Variants in ELP4 observed in about 807,000 individuals in gnomAD.
ELP4 encodes the protein elongator complex protein 4.
Under a neutral mutation model 48.9 loss-of-function variants are expected in ELP4, and 51 were observed. That is an observed-to-expected ratio of 1.04 (90% confidence interval 0.83 to 1.32). The LOEUF (loss-of-function observed/expected upper bound fraction) is 1.32, where lower values mean the gene tolerates loss of function less well. ELP4 is among the 40% of genes most tolerant of loss of function. The pLI, the probability that ELP4 is intolerant of heterozygous loss-of-function variation, is 0.00. For synonymous variants in ELP4, 210 were observed against 189.2 expected (o/e 1.11, Z -0.90); for missense variants, 519 against 514.6 (o/e 1.01, Z -0.08).
intron 9 of ELP4, among the ~76,000 whole-genome samples, chr11:31,741,044 T>C (rs972294761): frequency 3.3e-5 from 5 of 151,508 alleles, no homozygotes; most frequent in South Asian, 2.1e-4. Flanking sequence ...CCCACCCTAA[T>C]ACTGCACTTT....
chr11:31,638,551 G>A lies in ELP4; in HGVS notation c.927+6146G>A, dbSNP rs547249748. On this transcript the variant is annotated intron_variant, in intron 7 of 9. Transcript: ENST00000640961. ...AGGAAAATTCATTTTCTGACGAAAA[G>A]GAGGGAGAAAGGGCCTTTTTAAAAT... Among the ~76,000 whole-genome samples the A allele has an allele frequency of 2.0e-5, 3 of 151,902 alleles. No individual in the cohort carries two copies. The South Asian group carries it at 6.2e-4, about 32-fold the overall frequency.
At chr11:31,781,930 A>T (rs575799424) in intron 9 of ELP4, among the ~76,000 whole-genome samples, 1 of 152,312 alleles carries the variant, frequency 6.6e-6, no homozygotes, top group East Asian at 1.9e-4. Context: ...ATCATTCAAG[A>T]AATAGATATT....
At chr11:31,577,647 A>G (rs1957309613) in intron 3 of ELP4, among the ~76,000 whole-genome samples, 1 of 152,192 alleles carries the variant, frequency 6.6e-6, no homozygotes, top group South Asian at 2.1e-4. Flanking sequence ...AACATACGCG[A>G]ATCAATAAAT....
intron 9 of ELP4, among the ~76,000 whole-genome samples, chr11:31,731,525 G>T (rs1947184567): frequency 6.6e-6 from 1 of 150,384 alleles, no homozygotes; most frequent in African/African-American, 2.5e-5. Flanking sequence ...AAGAAAAAAA[G>T]AATGAAGAAA....
intron 9 of ELP4, among the ~76,000 whole-genome samples, chr11:31,694,835 T>C (rs1028509741): frequency 2.6e-5 from 4 of 152,204 alleles, no homozygotes; most frequent in African/African-American, 7.2e-5. Flanking sequence ...TTTTATTTCA[T>C]TGAGCAGTGG....
At chr11:31,598,503 C>CTTTTTTTTTTT (rs10702222) in intron 4 of ELP4, among the ~76,000 whole-genome samples, 25 of 77,730 alleles carry the variant, frequency 3.2e-4, no homozygotes, top group South Asian at 5.5e-4. Context: ...TTTTCTTCTT[C>CTTTTTTTTTTT]TTTTTTTTTT....
At chr11:31,772,580 GT>G (rs1205012195) in intron 9 of ELP4, among the ~76,000 whole-genome samples, 5 of 152,134 alleles carry the variant, frequency 3.3e-5, no homozygotes, top group Non-Finnish European at 7.4e-5. Flanking sequence ...GCTTAGAAAA[GT>G]TCTGGCACAC....
chr11:31,743,940 A>G (rs1947517983), intron 9 of ELP4, among the ~76,000 whole-genome samples: 1 of 152,210 alleles, frequency 6.6e-6, no homozygotes, highest in South Asian at 2.1e-4. Flanking sequence ...TCAAAAAATT[A>G]ATGAGTCCAG....
intron 5 of ELP4, among the ~76,000 whole-genome samples, chr11:31,626,303 C>CT (rs953983757): frequency 4.0e-5 from 6 of 151,788 alleles, no homozygotes; most frequent in African/African-American, 1.4e-4. Context: ...TCACCCACAG[C>CT]TTTTACAGCA....
chr11:31,596,256 T>G (rs1957669337), intron 4 of ELP4, among the ~76,000 whole-genome samples: 1 of 152,074 alleles, frequency 6.6e-6, no homozygotes, highest in African/African-American at 2.4e-5. Flanking sequence ...TACACAAAAA[T>G]TAGCTGGGCG....
At chr11:31,627,043 A>G in intron 5 of ELP4, 67 bp from the exon 6 acceptor site, 1 of 852,866 alleles carries the variant, frequency 1.2e-6, no homozygotes, top group Non-Finnish European at 2.0e-6. Context: ...TTAATGTTTT[A>G]TCATAGATTG....
intron 5 of ELP4, among the ~76,000 whole-genome samples, chr11:31,625,824 G>A (rs552073418): frequency 1.1e-4 from 16 of 151,834 alleles, no homozygotes; most frequent in South Asian, 4.1e-4. Context: ...GGATAGATGT[G>A]TGTTAAGATA....
At chr11:31,725,972 C>T (rs1054617859) in intron 9 of ELP4, among the ~76,000 whole-genome samples, 2 of 152,116 alleles carry the variant, frequency 1.3e-5, no homozygotes, top group African/African-American at 4.8e-5. Context: ...TTTTACATAT[C>T]GGTTTCCTTA....
At chr11:31,575,231 G>C (rs186566713) in intron 3 of ELP4, among the ~76,000 whole-genome samples, 1 of 152,264 alleles carries the variant, frequency 6.6e-6, no homozygotes, top group African/African-American at 2.4e-5. Flanking sequence ...GAGAAGAGAA[G>C]TTTAGAGAAA....
chr11:31,642,692 A>G (rs906573339), intron 7 of ELP4, among the ~76,000 whole-genome samples: 2 of 151,864 alleles, frequency 1.3e-5, no homozygotes, highest in African/African-American at 4.8e-5. Flanking sequence ...AAATCTGGAA[A>G]GATTTAATCT....
intron 1 of ELP4, among the ~76,000 whole-genome samples, chr11:31,514,796 T>G (rs1956076892): frequency 6.6e-6 from 1 of 152,112 alleles, no homozygotes. Context: ...ATTGGTTGGT[T>G]GTTTTAGCTT....
intron 9 of ELP4, among the ~76,000 whole-genome samples, chr11:31,758,991 A>G (rs1431359052): frequency 6.6e-6 from 1 of 152,172 alleles, no homozygotes; most frequent in African/African-American, 2.4e-5. Flanking sequence ...ATTATGTAAT[A>G]TATCTAGTTG....
rs1486263461 is a variant in ELP4 at position 31,646,434 on chromosome 11, A to G, written c.928-1307A>G. 7 of 151,780 alleles carry G rather than the reference A, an allele frequency of 4.6e-5. No homozygotes were observed. The East Asian group carries it at 5.8e-4, about 13-fold the overall frequency. 9.4% of individuals were successfully genotyped at this position (151,780 alleles called of 1,614,324 possible). ...TCATTTCAACAGAATGTTTGGTGAC[A>G]CAGGCTACTATGTGTTTCATAATAC... On this transcript the variant is annotated intron_variant, in intron 7 of 9. Transcript: ENST00000640961.
In ELP4 at chr11:31,509,775, A is replaced by C; in HGVS notation, c.-10A>C. On this transcript the variant is annotated 5_prime_UTR_variant, in exon 1 of 10. Coordinates refer to ENST00000640961, the MANE Select transcript of ELP4 (RefSeq NM_019040.5). ...AGAGTTCCTATTGGGTTAACACTGG[A>C]GGCTCTAAGATGGCGGCAGTGGCAA... 6.2e-7 allele frequency: 1 copy of C among 1,613,652 alleles called. No homozygotes were observed. Among genetic ancestry groups the C allele is most frequent in the East Asian group, 2.2e-5 (1 of 44,866 alleles).
Sources: allele counts gnomAD v4.1 joint callset (sites outside exome capture counted in the v4.1 genomes callset), GRCh38; gene constraint gnomAD v4.1.1; transcripts MANE v1.5; gene names NCBI Gene and HGNC (gene_info 2026-07-23, HGNC 2026-07-21).